CDCP1: variants seen among roughly 807,000 people sequenced by gnomAD.
CDCP1 encodes CUB domain-containing protein 1.
In CDCP1, 29 loss-of-function variants were observed where a neutral mutation model predicts 60.2. That is an observed-to-expected ratio of 0.48 (90% confidence interval 0.36 to 0.66). The LOEUF is 0.66. Among genes scored for constraint, CDCP1 ranks in the 30% least tolerant of loss-of-function variants. The pLI is 0.00. For missense variants in CDCP1, 876 were observed against 1,074.3 expected (o/e 0.82, Z 2.58); for synonymous variants, 387 against 431.1 (o/e 0.90, Z 1.27).
At position 45,110,562 on chromosome 3, in the gene CDCP1, G is replaced by A; in HGVS notation, c.935C>T (p.Ser312Phe). ...PGNMAGNFNLSLQGCDQDAQS... is the reference protein window; with the variant it reads ...PGNMAGNFNLFLQGCDQDAQS... Reference sequence around the variant, plus strand: ...GGCATCTTGGTCACAGCCTTGCAGAGAGAGGTTGAAGTTCCCCGCCATGTT... The same window carrying A: ...GGCATCTTGGTCACAGCCTTGCAGAAAGAGGTTGAAGTTCCCCGCCATGTT... Residue 312 changes from serine (S) to phenylalanine (F), a missense_variant, in exon 4 of 9, where the codon TCT becomes TTT. Coordinates refer to ENST00000296129, the MANE Select transcript of CDCP1 (RefSeq NM_022842.5). 6.2e-7 allele frequency: 1 copy of A among 1,614,220 alleles called. No individual in the cohort carries two copies. The highest frequency in any genetic ancestry group is 2.2e-5 in the East Asian group (1 of 44,890).
chr3:45,127,894 C>T (rs370655294), intron 1 of CDCP1, among the ~76,000 whole-genome samples: 186 of 152,284 alleles, frequency 1.2e-3, no homozygotes, highest in African/African-American at 4.4e-3. Flanking sequence ...AGCCGTCAGG[C>T]CAAGCTGAGG....
chr3:45,095,684 G>A (rs1698386577), intron 4 of CDCP1, 116 bp from the exon 5 acceptor site: 2 of 734,592 alleles, frequency 2.7e-6, no homozygotes, highest in South Asian at 3.4e-5. Flanking sequence ...GACCATGGAT[G>A]GATAATGTTG....
intron 1 of CDCP1, among the ~76,000 whole-genome samples, chr3:45,142,125 G>T (rs564868829): frequency 4.6e-5 from 7 of 152,260 alleles, no homozygotes; most frequent in African/African-American, 1.4e-4. Flanking sequence ...GAGCCACTGC[G>T]CCTGGCTCGG....
intron 1 of CDCP1, among the ~76,000 whole-genome samples, chr3:45,141,159 C>T (rs1699282477): frequency 1.3e-5 from 2 of 152,020 alleles, no homozygotes. Context: ...CAAGATCATG[C>T]CACTGCATTC....
At chr3:45,124,570 G>T (rs148025721) in intron 1 of CDCP1, among the ~76,000 whole-genome samples, 21 of 152,320 alleles carry the variant, frequency 1.4e-4, no homozygotes, top group Admixed American at 6.5e-4. Context: ...CGGCTTGCAT[G>T]TGAGTCAGGT....
In CDCP1 at chr3:45,104,240, G is replaced by A. The variant is rs114744690; in HGVS notation, c.1024+6233C>T. Among the ~76,000 whole-genome samples the A allele has an allele frequency of 6.7e-3, 1,017 of 152,338 alleles. 5 individuals carry two copies. Among genetic ancestry groups the A allele is most frequent in the African/African-American group, 0.021 (874 of 41,572 alleles). ...ATTCTGGGGGCAAGACAGACTGCCCGTTATGAGGAGGCTCTCTGTAATATC... is the reference window on the plus strand; with the variant it reads ...ATTCTGGGGGCAAGACAGACTGCCCATTATGAGGAGGCTCTCTGTAATATC... On this transcript the variant is annotated intron_variant, in intron 4 of 8. Transcript: ENST00000296129.
At chr3:45,140,691 A>C (rs990814515) in intron 1 of CDCP1, among the ~76,000 whole-genome samples, 8 of 152,182 alleles carry the variant, frequency 5.3e-5, no homozygotes, top group Admixed American at 3.3e-4. Context: ...ACGCAGACCT[A>C]CTCAAGACCA....
chr3:45,127,835 A>T (rs377675797), intron 1 of CDCP1, among the ~76,000 whole-genome samples: 1 of 152,326 alleles, frequency 6.6e-6, no homozygotes, highest in East Asian at 1.9e-4. Context: ...GGGATGTGAA[A>T]TGATGGCTGC....
intron 2 of CDCP1, among the ~76,000 whole-genome samples, chr3:45,117,732 G>A (rs553479946): frequency 6.6e-6 from 1 of 152,212 alleles, no homozygotes; most frequent in Admixed American, 6.5e-5. Context: ...AAATAGCTGG[G>A]ATTACAGGCA....
chr3:45,144,296 G>A (rs1699344191), intron 1 of CDCP1, among the ~76,000 whole-genome samples: 1 of 152,128 alleles, frequency 6.6e-6, no homozygotes, highest in African/African-American at 2.4e-5. Context: ...CTGGCTTTCT[G>A]TATCCTTTCA....
chr3:45,112,865 G>A (rs12494480), intron 2 of CDCP1, among the ~76,000 whole-genome samples: 66,117 of 152,138 alleles, frequency 0.43, 15,205 homozygotes, highest in South Asian at 0.57. Flanking sequence ...AGCTAAAACC[G>A]CATCTGCATT....
In CDCP1 at chr3:45,124,983, C is replaced by T. The variant is rs537370399; in HGVS notation, c.83-6362G>A. The stretch of plus-strand genomic sequence containing the variant: ...GACCCAAATAGTAATTTTAGGACAC[C>T]AGGGAACTTCAAGGTACTCTGAAGA... On this transcript the variant is annotated intron_variant, in intron 1 of 8. Transcript: ENST00000296129. Among the ~76,000 whole-genome samples, 3 of 152,222 alleles carry T rather than the reference C, an allele frequency of 2.0e-5. No individual in the cohort carries two copies. The South Asian group carries it at 6.2e-4, about 32-fold the overall frequency.
chr3:45,120,932 C>T (rs1021234158), intron 1 of CDCP1, among the ~76,000 whole-genome samples: 4 of 152,110 alleles, frequency 2.6e-5, no homozygotes, highest in African/African-American at 9.7e-5. Flanking sequence ...CTTCAGTCCT[C>T]CTGAACCCTG....
Position 45,093,550 on chromosome 3 carries a change from C to T in CDCP1, c.1354G>A (p.Val452Met). 1.2e-6 allele frequency: 2 copies of T among 1,614,200 alleles called. No homozygotes were observed. The highest frequency in any genetic ancestry group is 1.7e-6 in the Non-Finnish European group (2 of 1,180,038). ...ELHDFSWKLL[V>M]PKDRLSLVLV... ...ACCAGGCTGAGCCTGTCCTTGGGCA[C>T]CAGCAGCTTCCAGGAGAAGTCATGC... is the stretch of plus-strand genomic sequence containing the variant. Residue 452 changes from valine (V) to methionine (M), a missense_variant, in exon 6 of 9, where the codon GTG becomes ATG. Val to Met is a conservative substitution (Grantham distance 21, BLOSUM62 1). This residue lies in a region of CDCP1 where 726 missense variants were observed against 935.7 expected (regional missense o/e 0.78). Coordinates refer to ENST00000296129, the MANE Select transcript of CDCP1 (RefSeq NM_022842.5).
intron 4 of CDCP1, among the ~76,000 whole-genome samples, chr3:45,099,116 T>A (rs576782067): frequency 6.6e-6 from 1 of 151,868 alleles, no homozygotes; most frequent in South Asian, 2.1e-4. Flanking sequence ...GGATCCATCT[T>A]TTCTTTTCTT....
Position 45,110,415 on chromosome 3 carries a change from C to T in CDCP1, c.1024+58G>A, listed in dbSNP as rs895864287. The T allele has an allele frequency of 1.9e-6, 3 of 1,587,210 alleles. No homozygotes were observed. The African/African-American group carries it at 4.0e-5, about 21-fold the overall frequency. On this transcript the variant is annotated intron_variant, in intron 4 of 8. Coordinates refer to ENST00000296129, the MANE Select transcript of CDCP1 (RefSeq NM_022842.5). ...AAGGGAGCCTCACCCAGGCAGACTA[C>T]CCAGGAAACAACGAAGGTGCTGGAG...
intron 1 of CDCP1, among the ~76,000 whole-genome samples, chr3:45,119,866 C>G (rs988610304): frequency 2.0e-5 from 3 of 152,230 alleles, no homozygotes; most frequent in Non-Finnish European, 2.9e-5. Flanking sequence ...CAGTCAACCT[C>G]CACTCCAAGT....
intron 1 of CDCP1, among the ~76,000 whole-genome samples, chr3:45,125,884 T>C (rs778064714): frequency 6.6e-6 from 1 of 152,214 alleles, no homozygotes; most frequent in Non-Finnish European, 1.5e-5. Flanking sequence ...CTTCTACATG[T>C]TGACTCATGT....
intron 1 of CDCP1, among the ~76,000 whole-genome samples, chr3:45,127,734 C>T (rs899005415): frequency 6.6e-6 from 1 of 152,194 alleles, no homozygotes; most frequent in Non-Finnish European, 1.5e-5. Context: ...TTCCCCACCC[C>T]ACTCCTTCCA....
Sources: allele counts gnomAD v4.1 joint callset (sites outside exome capture counted in the v4.1 genomes callset), GRCh38; gene constraint gnomAD v4.1.1; regional missense constraint gnomAD v4.1.1; transcripts MANE v1.5; gene names NCBI Gene and HGNC (gene_info 2026-07-23, HGNC 2026-07-21).